The following CFAP276 variants were observed in gnomAD, a reference collection of about 807,000 sequenced individuals.
The protein encoded by CFAP276 is cilia and flagella associated protein 276.
chr1:109,107,071 T>G, the CFAP276 span: 3 of 1,614,200 alleles, frequency 1.9e-6, no homozygotes, highest in Non-Finnish European at 2.5e-6. Context: ...AATGTCCCAG[T>G]GTGGTGGTTG....
the CFAP276 span, chr1:109,107,047 C>G: frequency 1.2e-6 from 2 of 1,614,178 alleles, no homozygotes; most frequent in East Asian, 2.2e-5. Flanking sequence ...AACAGTATCT[C>G]ACTTTTGTTC....
chr1:109,109,827 G>C, the CFAP276 span, among the ~76,000 whole-genome samples: 1 of 152,020 alleles, frequency 6.6e-6, no homozygotes, highest in Non-Finnish European at 1.5e-5. Flanking sequence ...ATGAGCCACC[G>C]TGCCCCGCTG....
At chr1:109,110,926 A>G in the CFAP276 span, among the ~76,000 whole-genome samples, 1 of 151,544 alleles carries the variant, frequency 6.6e-6, no homozygotes, top group Non-Finnish European at 1.5e-5. Flanking sequence ...TCCTAGACTC[A>G]CCTCCTCTCT....
the CFAP276 span, chr1:109,112,786 G>T: frequency 1.3e-6 from 2 of 1,486,784 alleles, no homozygotes; most frequent in Non-Finnish European, 9.0e-7. Flanking sequence ...GCTGGTTTCG[G>T]TTGCCAGGCA....
the CFAP276 span, among the ~76,000 whole-genome samples, chr1:109,112,322 C>T: frequency 4.7e-3 from 713 of 152,318 alleles, 2 homozygotes; most frequent in Non-Finnish European, 8.3e-3. Flanking sequence ...CTTGAAGGAA[C>T]CTGGGCACTG....
chr1:109,110,929 T>C, the CFAP276 span, among the ~76,000 whole-genome samples: 6 of 152,058 alleles, frequency 3.9e-5, no homozygotes, highest in Admixed American at 3.9e-4. Flanking sequence ...TAGACTCACC[T>C]CCTCTCTTGG....
the CFAP276 span, among the ~76,000 whole-genome samples, chr1:109,109,312 G>A: frequency 1.3e-5 from 2 of 151,644 alleles, no homozygotes; most frequent in Non-Finnish European, 2.9e-5. Context: ...GCTGGGGGTA[G>A]TGGTGGGCGC....
chr1:109,106,090 G>A, the CFAP276 span: 68 of 1,612,740 alleles, frequency 4.2e-5, no homozygotes, highest in Non-Finnish European at 5.1e-5. Context: ...GCTGCAGTGT[G>A]AGGGGACACT....
At chr1:109,113,451 A>AGAGAGAGAGAGAGTGAGT in the CFAP276 span, among the ~76,000 whole-genome samples, 1 of 120,384 alleles carries the variant, frequency 8.3e-6, no homozygotes, top group Admixed American at 8.9e-5. Context: ...AGAGAGAGAG[A>AGAGAGAGAGAGAGTGAGT]GAGAGAGAGA....
At chr1:109,113,812 G>A in the CFAP276 span, 323 of 963,180 alleles carry the variant, frequency 3.4e-4, 2 homozygotes, top group African/African-American at 4.6e-3. Context: ...TTCTTCACAC[G>A]AGCCCCGGGC....
At chr1:109,112,406 C>G in the CFAP276 span, among the ~76,000 whole-genome samples, 1 of 152,226 alleles carries the variant, frequency 6.6e-6, no homozygotes, top group African/African-American at 2.4e-5. Context: ...CTACTTTCCT[C>G]TGCTCAAAAA....
chr1:109,113,263 C>T, the CFAP276 span, among the ~76,000 whole-genome samples: 11 of 151,962 alleles, frequency 7.2e-5, no homozygotes, highest in East Asian at 1.4e-3. Flanking sequence ...CTTGGTGGCA[C>T]GCGCCCGTAG....
the CFAP276 span, chr1:109,112,462 G>A: frequency 4.7e-6 from 6 of 1,271,998 alleles, no homozygotes; most frequent in African/African-American, 1.5e-5. Flanking sequence ...TAGGGAGGCA[G>A]GCAGAAAACA....
At chr1:109,113,416 A>AGAGAGAGGGAGGGAGGGAGGGAGGG in the CFAP276 span, among the ~76,000 whole-genome samples, 3 of 68,080 alleles carry the variant, frequency 4.4e-5, no homozygotes, top group African/African-American at 2.5e-4. Flanking sequence ...GAGAGAGAGA[A>AGAGAGAGGGAGGGAGGGAGGGAGGG]AGAGAGAGAG....
the CFAP276 span, among the ~76,000 whole-genome samples, chr1:109,113,429 A>AGAGAG: frequency 9.9e-6 from 1 of 101,510 alleles, no homozygotes; most frequent in South Asian, 3.8e-4. Flanking sequence ...AGAGAGAGAG[A>AGAGAG]GAGAGAGAGA....
the CFAP276 span, chr1:109,108,159 T>C: frequency 1.3e-6 from 1 of 762,630 alleles, no homozygotes; most frequent in Non-Finnish European, 2.2e-6. Flanking sequence ...GTTTTATTTT[T>C]TGAGACAGAA....
At chr1:109,111,021 G>A in the CFAP276 span, among the ~76,000 whole-genome samples, 3 of 152,132 alleles carry the variant, frequency 2.0e-5, no homozygotes, top group Non-Finnish European at 4.4e-5. Context: ...ACCACCCCCT[G>A]TGGCACTGCT....
chr1:109,107,165 G>T, the CFAP276 span: 1 of 1,460,588 alleles, frequency 6.8e-7, no homozygotes, highest in South Asian at 1.1e-5. Context: ...AGCCACCTGT[G>T]TCCCTGCTCT....
chr1:109,112,285 C>T, the CFAP276 span, among the ~76,000 whole-genome samples: 1 of 152,218 alleles, frequency 6.6e-6, no homozygotes, highest in Non-Finnish European at 1.5e-5. Flanking sequence ...CTTCAGAGAA[C>T]AGTCTTCCAA....
Sources: allele counts gnomAD v4.1 joint callset (sites outside exome capture counted in the v4.1 genomes callset), GRCh38; gene constraint gnomAD v4.1.1; transcripts MANE v1.5; gene names NCBI Gene and HGNC (gene_info 2026-07-23, HGNC 2026-07-21).